Variants in XKR4 observed in about 807,000 individuals in gnomAD.
The protein encoded by XKR4 is XK-related protein 4.
In XKR4, 12 loss-of-function variants were observed where a neutral mutation model predicts 53.9. The ratio of observed to expected loss-of-function variants is 0.22; its 90% CI spans 0.14 to 0.36. The LOEUF is 0.36. Ranked by LOEUF, XKR4 falls within the 10% of genes least tolerant of loss-of-function variation. The probability of loss-of-function intolerance (pLI) is 1.00; values close to 1 mark genes in which losing one functional copy is unlikely to be tolerated. For missense variants in XKR4, 799 were observed against 859.5 expected, an observed-to-expected ratio of 0.93 and a Z score of 0.88; for synonymous variants, 354 against 362.4, an observed-to-expected ratio of 0.98 and a Z score of 0.26.
intron 1 of XKR4, among the ~76,000 whole-genome samples, chr8:55,220,390 A>G (rs957366568): frequency 6.6e-6 from 1 of 152,250 alleles, no homozygotes; most frequent in Non-Finnish European, 1.5e-5. Context: ...GACACTAAAC[A>G]TCTTATATAA....
At chr8:55,356,674 G>A (rs1277593884) in intron 1 of XKR4, among the ~76,000 whole-genome samples, 1 of 152,018 alleles carries the variant, frequency 6.6e-6, no homozygotes, top group African/African-American at 2.4e-5. Flanking sequence ...GTGATGCCCG[G>A]GGTTTGCTTT....
intron 1 of XKR4, among the ~76,000 whole-genome samples, chr8:55,288,037 G>A (rs1016194679): frequency 6.6e-5 from 10 of 152,236 alleles, no homozygotes; most frequent in African/African-American, 1.9e-4. Context: ...ATTATTTTTT[G>A]TGTGATTTTT....
intron 1 of XKR4, among the ~76,000 whole-genome samples, chr8:55,247,237 C>G (rs1198726672): frequency 2.6e-5 from 4 of 152,276 alleles, no homozygotes; most frequent in African/African-American, 9.6e-5. Context: ...GGCAGGAAGA[C>G]GGAGAAGCTA....
At chr8:55,316,033 C>A (rs75201308) in intron 1 of XKR4, among the ~76,000 whole-genome samples, 11,748 of 152,208 alleles carry the variant, frequency 0.077, 608 homozygotes, top group Non-Finnish European at 0.12. Context: ...AAACAATCAC[C>A]TACACCGTAA....
At chr8:55,510,721 A>G (rs1214643759) in intron 2 of XKR4, among the ~76,000 whole-genome samples, 1 of 152,220 alleles carries the variant, frequency 6.6e-6, no homozygotes, top group East Asian at 1.9e-4. Flanking sequence ...TCTTCATCAT[A>G]TTATTAGATG....
At chr8:55,383,891 T>C (rs1876231) in intron 2 of XKR4, among the ~76,000 whole-genome samples, 101,204 of 152,024 alleles carry the variant, frequency 0.67, 34,402 homozygotes, top group African/African-American at 0.8. Context: ...AGACACAGCA[T>C]ATGTACCCTT....
At chr8:55,414,184 A>T (rs1804812271) in intron 2 of XKR4, among the ~76,000 whole-genome samples, 1 of 152,208 alleles carries the variant, frequency 6.6e-6, no homozygotes, top group Admixed American at 6.5e-5. Context: ...TGTGTGAATA[A>T]TCAAGGGAAA....
rs1817616763 is a variant in XKR4, at chr8:55,204,430, C to T, written c.806+101136C>T. Among the ~76,000 whole-genome samples, 2 of 152,244 alleles carry T rather than the reference C, an allele frequency of 1.3e-5. 1 individual carries two copies. Among genetic ancestry groups the T allele is most frequent in the Middle Eastern group, 6.8e-3 (2 of 294 alleles). ...AATTGTGATAAAAATCTTCACACATCTATATGTAATTCTCTGATATTTTGG... is the reference window on the plus strand; with the variant it reads ...AATTGTGATAAAAATCTTCACACATTTATATGTAATTCTCTGATATTTTGG... On this transcript the variant is annotated intron_variant, in intron 1 of 2. Transcript: ENST00000327381.
At chr8:55,311,418 G>C (rs898235634) in intron 1 of XKR4, among the ~76,000 whole-genome samples, 1 of 152,134 alleles carries the variant, frequency 6.6e-6, no homozygotes. Context: ...TGGTGAGAGG[G>C]TCCAGCCAGC....
intron 1 of XKR4, among the ~76,000 whole-genome samples, chr8:55,198,439 C>T (rs1282095865): frequency 6.6e-6 from 1 of 151,804 alleles, no homozygotes; most frequent in African/African-American, 2.4e-5. Context: ...TATTGATGGT[C>T]TAAGTCAAGA....
intron 1 of XKR4, among the ~76,000 whole-genome samples, chr8:55,152,231 C>T (rs1270881766): frequency 6.6e-6 from 1 of 152,110 alleles, no homozygotes; most frequent in African/African-American, 2.4e-5. Context: ...GACTCTAGAT[C>T]AGATTCACCA....
intron 1 of XKR4, among the ~76,000 whole-genome samples, chr8:55,333,858 G>T (rs930511962): frequency 5.3e-5 from 8 of 152,140 alleles, no homozygotes; most frequent in Non-Finnish European, 1.2e-4. Context: ...ATCAAGGAGG[G>T]GATGGGGCAA....
At chr8:55,323,315 C>T (rs192045427) in intron 1 of XKR4, among the ~76,000 whole-genome samples, 20 of 152,302 alleles carry the variant, frequency 1.3e-4, no homozygotes, top group African/African-American at 4.1e-4. Flanking sequence ...GTTCCATCTC[C>T]CAAATATTCA....
chr8:55,241,954 G>A (rs911710999), intron 1 of XKR4, among the ~76,000 whole-genome samples: 2 of 152,058 alleles, frequency 1.3e-5, no homozygotes, highest in African/African-American at 2.4e-5. Flanking sequence ...ATAATGTTAT[G>A]GGTATAGCTG....
intron 2 of XKR4, among the ~76,000 whole-genome samples, chr8:55,503,039 C>T (rs569253611): frequency 3.2e-4 from 49 of 152,234 alleles, no homozygotes; most frequent in African/African-American, 1.0e-3. Flanking sequence ...TGGGCTCACT[C>T]TTCTATTTCA....
At chr8:55,314,666 A>T (rs1819438307) in intron 1 of XKR4, among the ~76,000 whole-genome samples, 1 of 152,196 alleles carries the variant, frequency 6.6e-6, no homozygotes, top group African/African-American at 2.4e-5. Flanking sequence ...AAGTATTCTG[A>T]ATTTAAACTA....
At chr8:55,191,784 A>G (rs1308932039) in intron 1 of XKR4, among the ~76,000 whole-genome samples, 1 of 151,486 alleles carries the variant, frequency 6.6e-6, no homozygotes, top group Non-Finnish European at 1.5e-5. Flanking sequence ...TTACTATTAC[A>G]TTCTTGACAA....
chr8:55,384,215 C>T (rs534329453), intron 2 of XKR4, among the ~76,000 whole-genome samples: 4 of 152,164 alleles, frequency 2.6e-5, no homozygotes, highest in East Asian at 1.9e-4. Flanking sequence ...GACAGGAGCT[C>T]GGAGGCTAAG....
At chr8:55,298,998 C>A (rs1198250126) in intron 1 of XKR4, among the ~76,000 whole-genome samples, 2 of 152,150 alleles carry the variant, frequency 1.3e-5, no homozygotes, top group Non-Finnish European at 2.9e-5. Context: ...ATTTACAGTC[C>A]ACATTCTATG....
Sources: gnomAD v4.1 joint callset for allele counts (sites outside exome capture counted in the v4.1 genomes callset) on GRCh38, gnomAD v4.1.1 for gene constraint, MANE v1.5 for transcripts, NCBI Gene and HGNC (gene_info 2026-07-23, HGNC 2026-07-21) for gene names.